Variants in RSPO2 observed in about 807,000 individuals in gnomAD.
RSPO2 encodes R-spondin-2.
RSPO2 carries 14 observed loss-of-function variants against 30.9 expected under a neutral mutation model. The ratio of observed to expected loss-of-function variants is 0.45; its 90% CI spans 0.30 to 0.71. The LOEUF (loss-of-function observed/expected upper bound fraction) is 0.71, where lower values mean the gene tolerates loss of function less well. Among genes scored for constraint, RSPO2 ranks in the 30% least tolerant of loss-of-function variants. The pLI is 0.08. For synonymous variants in RSPO2, 107 were observed against 96.4 expected (o/e 1.11, Z -0.64); for missense variants, 264 against 301.9 (o/e 0.87, Z 0.93).
At chr8:108,081,528 G>A (rs1256842264) in intron 2 of RSPO2, among the ~76,000 whole-genome samples, 3 of 152,184 alleles carry the variant, frequency 2.0e-5, no homozygotes, top group Non-Finnish European at 4.4e-5. Flanking sequence ...CCCTTCCTGC[G>A]CGGGTAATTC....
chr8:108,039,112 C>A (rs1452020), intron 2 of RSPO2, among the ~76,000 whole-genome samples: 51,582 of 151,976 alleles, frequency 0.34, 9,285 homozygotes, highest in African/African-American at 0.46. Context: ...TAGATTGAAT[C>A]ATTTTTCCTG....
In RSPO2 at chr8:108,072,509, T is replaced by G. The variant is rs1813902854; in HGVS notation, c.94+10036A>C. Among the ~76,000 whole-genome samples the G allele has an allele frequency of 5.4e-5, 8 of 147,060 alleles. No homozygotes were observed. In the South Asian group the frequency reaches 1.7e-3, roughly 32 times the overall value. On this transcript the variant is annotated intron_variant, in intron 2 of 5. Transcript: ENST00000276659. ...CCCGGCTAATTTTTTTTTTTTTTTTTTTGTATTTTTAGTAGAGACGGGGTT... is the reference window on the plus strand; with the variant it reads ...CCCGGCTAATTTTTTTTTTTTTTTTGTTGTATTTTTAGTAGAGACGGGGTT...
intron 5 of RSPO2, among the ~76,000 whole-genome samples, chr8:107,929,596 G>A (rs139139037): frequency 7.5e-4 from 114 of 152,226 alleles, no homozygotes; most frequent in African/African-American, 2.6e-3. Flanking sequence ...AGCTTATACA[G>A]ATAAATGGGT....
intron 5 of RSPO2, among the ~76,000 whole-genome samples, chr8:107,921,847 CA>C (rs765451582): frequency 1.3e-5 from 2 of 151,784 alleles, no homozygotes; most frequent in African/African-American, 4.8e-5. Context: ...GAACTAAATA[CA>C]AAAAAACACA....
At chr8:107,973,827 T>C (rs1814106963) in intron 3 of RSPO2, among the ~76,000 whole-genome samples, 1 of 152,130 alleles carries the variant, frequency 6.6e-6, no homozygotes, top group Non-Finnish European at 1.5e-5. Flanking sequence ...ACTCTTTAAA[T>C]ATTGAAGTCC....
intron 2 of RSPO2, among the ~76,000 whole-genome samples, chr8:108,078,693 T>C (rs1028344752): frequency 6.6e-6 from 1 of 152,074 alleles, no homozygotes; most frequent in Non-Finnish European, 1.5e-5. Flanking sequence ...AGAAACTATA[T>C]CTAATTTTGT....
intron 5 of RSPO2, among the ~76,000 whole-genome samples, chr8:107,921,707 C>A (rs549479907): frequency 6.6e-6 from 1 of 151,896 alleles, no homozygotes; most frequent in African/African-American, 2.4e-5. Context: ...AAATCCTCAA[C>A]AAAATACTGG....
chr8:108,054,751 G>A (rs568945122), intron 2 of RSPO2, among the ~76,000 whole-genome samples: 3 of 152,242 alleles, frequency 2.0e-5, no homozygotes, highest in South Asian at 4.1e-4. Flanking sequence ...GCAAGCATAC[G>A]CCTTCCATTT....
At chr8:108,037,593 GC>G (rs1811636372) in intron 2 of RSPO2, among the ~76,000 whole-genome samples, 1 of 152,204 alleles carries the variant, frequency 6.6e-6, no homozygotes, top group Non-Finnish European at 1.5e-5. Context: ...AGATTAAAAA[GC>G]CTGCTACTGG....
At chr8:108,067,604 T>C (rs1812709672) in intron 2 of RSPO2, among the ~76,000 whole-genome samples, 1 of 152,212 alleles carries the variant, frequency 6.6e-6, no homozygotes, top group Admixed American at 6.5e-5. Flanking sequence ...ACTAGCCCTT[T>C]ATATGCAACA....
At chr8:108,069,590 C>A (rs1489742454) in intron 2 of RSPO2, among the ~76,000 whole-genome samples, 1 of 152,184 alleles carries the variant, frequency 6.6e-6, no homozygotes, top group African/African-American at 2.4e-5. Context: ...TCATTCCTAG[C>A]CATTGAGATC....
chr8:107,973,532 TCACACACACACACA>T (rs4035018), intron 3 of RSPO2, among the ~76,000 whole-genome samples: 3 of 149,538 alleles, frequency 2.0e-5, no homozygotes, highest in African/African-American at 2.5e-5. Context: ...AGACACACAC[TCACACACACACACA>T]CACACACACA....
chr8:108,024,302 C>T (rs1277537539), intron 2 of RSPO2, among the ~76,000 whole-genome samples: 1 of 152,012 alleles, frequency 6.6e-6, no homozygotes, highest in Non-Finnish European at 1.5e-5. Flanking sequence ...ACCTAAATGC[C>T]CACACACAGG....
intron 5 of RSPO2, among the ~76,000 whole-genome samples, chr8:107,901,518 T>C (rs1811462683): frequency 6.6e-6 from 1 of 152,220 alleles, no homozygotes; most frequent in South Asian, 2.1e-4. Context: ...GCTACCCTTT[T>C]CTACACATCT....
chr8:107,945,406 G>T (rs375828687), intron 5 of RSPO2, among the ~76,000 whole-genome samples: 2 of 151,382 alleles, frequency 1.3e-5, no homozygotes, highest in Non-Finnish European at 2.9e-5. Flanking sequence ...CTGCCACCAC[G>T]CCGGGCTAAT....
Position 107,903,992 on chromosome 8 carries a change from C to T in RSPO2, c.617-2802G>A, listed in dbSNP as rs114143791. ...ATACAACGTAACATACAGAAAGGGT[C>T]TTTCATACAAATGCTTTTTTCACGT... is the stretch of plus-strand genomic sequence containing the variant. On this transcript the variant is annotated intron_variant, in intron 5 of 5. Transcript: ENST00000276659. Among the ~76,000 whole-genome samples the T allele has an allele frequency of 6.5e-3, 983 of 151,360 alleles. 25 individuals are homozygous for T. The South Asian group carries it at 0.086, about 13-fold the overall frequency.
At chr8:107,955,385 A>G (rs2130424783) in intron 5 of RSPO2, among the ~76,000 whole-genome samples, 1 of 152,302 alleles carries the variant, frequency 6.6e-6, no homozygotes, top group South Asian at 2.1e-4. Flanking sequence ...GTAGGGACCC[A>G]GATAACTCCA....
intron 2 of RSPO2, among the ~76,000 whole-genome samples, chr8:108,058,421 G>A (rs1812328900): frequency 6.6e-6 from 1 of 152,134 alleles, no homozygotes; most frequent in Non-Finnish European, 1.5e-5. Context: ...TGGCCATACT[G>A]CCCAAGGTAA....
intron 5 of RSPO2, among the ~76,000 whole-genome samples, chr8:107,929,588 C>A (rs1410276281): frequency 3.3e-5 from 5 of 152,100 alleles, no homozygotes; most frequent in African/African-American, 1.2e-4. Flanking sequence ...GCTTGGAGAG[C>A]TTATACAGAT....
Sources: allele counts gnomAD v4.1 joint callset (sites outside exome capture counted in the v4.1 genomes callset), GRCh38; gene constraint gnomAD v4.1.1; transcripts MANE v1.5; gene names NCBI Gene and HGNC (gene_info 2026-07-23, HGNC 2026-07-21).